Variants in HNRNPR observed in about 807,000 individuals in gnomAD.
The protein encoded by HNRNPR is heterogeneous nuclear ribonucleoprotein R.
HNRNPR carries 4 observed loss-of-function variants against 70.3 expected under a neutral mutation model. The ratio of observed to expected loss-of-function variants is 0.06; its 90% CI spans 0.03 to 0.13. The LOEUF (loss-of-function observed/expected upper bound fraction) is 0.13. HNRNPR is among the 10% of genes least tolerant of loss of function. The pLI, the probability that HNRNPR is intolerant of heterozygous loss-of-function variation, is 1.00. For synonymous variants in HNRNPR, 241 were observed against 267.6 expected (o/e 0.90, Z 0.97); for missense variants, 423 against 788.5 (o/e 0.54, Z 5.55).
intron 8 of HNRNPR, among the ~76,000 whole-genome samples, chr1:23,314,853 A>G (rs781232781): frequency 6.6e-5 from 10 of 152,216 alleles, no homozygotes; most frequent in Non-Finnish European, 1.3e-4. Context: ...TCCTACAGAT[A>G]TATCTCCACT....
intron 8 of HNRNPR, among the ~76,000 whole-genome samples, chr1:23,316,791 T>TA (rs1301852019): frequency 6.6e-6 from 1 of 152,028 alleles, no homozygotes; most frequent in Non-Finnish European, 1.5e-5. Flanking sequence ...ATCAAGCTAG[T>TA]AAAAAATCAA....
At chr1:23,324,956 T>C (rs929513564) in intron 5 of HNRNPR, among the ~76,000 whole-genome samples, 17 of 151,790 alleles carry the variant, frequency 1.1e-4, no homozygotes, top group Admixed American at 1.1e-3. Context: ...CTGGCTAACA[T>C]GGTGAAACCC....
intron 2 of HNRNPR, among the ~76,000 whole-genome samples, chr1:23,340,448 T>C (rs938981918): frequency 6.6e-6 from 1 of 152,182 alleles, no homozygotes; most frequent in Non-Finnish European, 1.5e-5. Context: ...GATACAGCTA[T>C]CCTCTTGTTA....
chr1:23,319,236 ATACT>A (rs1259061843), intron 7 of HNRNPR, among the ~76,000 whole-genome samples: 3 of 152,172 alleles, frequency 2.0e-5, no homozygotes, highest in East Asian at 1.9e-4. Context: ...ACCCTTATAA[ATACT>A]TAGATTTTTT....
chr1:23,323,760 C>T (rs768964523), intron 5 of HNRNPR, 28 bp from the exon 6 acceptor site: 1 of 1,588,494 alleles, frequency 6.3e-7, no homozygotes, highest in Non-Finnish European at 8.6e-7. Context: ...TATTAGAATC[C>T]AACATAAGCA....
chr1:23,330,359 A>G (rs569321431), intron 5 of HNRNPR, among the ~76,000 whole-genome samples: 1 of 152,086 alleles, frequency 6.6e-6, no homozygotes, highest in Non-Finnish European at 1.5e-5. Context: ...ACATGGTGAA[A>G]CCCCGTCTCT....
Position 23,305,165 on chromosome 1 carries a change from C to A in HNRNPR, c.*5289G>T, listed in dbSNP as rs1346614528. The A allele has an allele frequency of 6.6e-6, 1 of 152,136 alleles. No individual in the cohort carries two copies. Among genetic ancestry groups the A allele is most frequent in the Non-Finnish European group, 1.5e-5 (1 of 68,008 alleles). The allele number at this position is 152,136 out of a possible 1,614,324, so 9.4% of individuals were successfully genotyped here. A position where few individuals can be genotyped will look rare whatever the true frequency, so the allele number is the denominator to read the frequency against. On this transcript the variant is annotated 3_prime_UTR_variant, in exon 11 of 11. Coordinates refer to ENST00000302271, the MANE Select transcript of HNRNPR (RefSeq NM_005826.5). ...TTTTGTTTTTAGTGTTTAAAGTCAA[C>A]AAACTGGCATTGCATTTTCCTTAAC... is the stretch of plus-strand genomic sequence containing the variant.
chr1:23,315,290 A>AC (rs1353176494), intron 8 of HNRNPR, among the ~76,000 whole-genome samples: 3 of 150,578 alleles, frequency 2.0e-5, no homozygotes, highest in East Asian at 1.9e-4. Flanking sequence ...AAAAAAAAAA[A>AC]AAAAAAAAAA....
Position 23,318,363 on chromosome 1 carries a change from A to C in HNRNPR, c.1017+120T>G. 1 of 821,900 alleles carries C rather than the reference A, an allele frequency of 1.2e-6. No homozygotes were observed. Among genetic ancestry groups the C allele is most frequent in the East Asian group, 2.6e-5 (1 of 38,344 alleles). The allele number at this position is 821,900 out of a possible 1,614,324, so 50.9% of individuals were successfully genotyped here. A position where few individuals can be genotyped will look rare whatever the true frequency, so the allele number is the denominator to read the frequency against. On this transcript the variant is annotated intron_variant, in intron 8 of 10. Transcript: ENST00000302271. This position sits in a 1 kb window ranked among gnomAD's most constrained non-coding sequence, Gnocchi z 4.2. ...TTTAGTGTTAAAGCCGCTCCTTGCC[A>C]AACAGTTGAAGTCTAAAGCTACAAT...
At chr1:23,342,065 TAAATAA>T (rs1249159524) in intron 1 of HNRNPR, among the ~76,000 whole-genome samples, 3 of 152,172 alleles carry the variant, frequency 2.0e-5, no homozygotes, top group Non-Finnish European at 4.4e-5. Flanking sequence ...CAACACATAC[TAAATAA>T]AAGACATAAA....
Position 23,310,887 on chromosome 1 carries a change from T to A in HNRNPR, c.1469A>T (p.Tyr490Phe), listed in dbSNP as rs775392719. The change falls in exon 11 of 11, where the codon TAC becomes TTC. Residue 490 changes from tyrosine (Y) to phenylalanine (F), a missense_variant. Around this residue, in one of 7 missense-constraint regions of HNRNPR, gnomAD observed 169 missense variants for 195.6 expected, o/e 0.86. Transcript: ENST00000302271. The surrounding 1 kb of genome is among the most constrained non-coding windows in gnomAD (Gnocchi z 6.0). ...TGCATAGCCATCATCATAGCCGTAG[T>A]AGGGATCTTCATAGCCTCCACGATA... ...HDYRGGYEDPYYGYDDGYAVR... is the reference protein window; with the variant it reads ...HDYRGGYEDPFYGYDDGYAVR... The A allele has an allele frequency of 6.2e-7, 1 of 1,614,110 alleles. No homozygotes were observed. Among genetic ancestry groups the A allele is most frequent in the South Asian group, 1.1e-5 (1 of 91,082 alleles).
chr1:23,325,001 G>A (rs998045602), intron 5 of HNRNPR, among the ~76,000 whole-genome samples: 5 of 151,630 alleles, frequency 3.3e-5, no homozygotes, highest in African/African-American at 9.7e-5. Context: ...TTAGCCGGGC[G>A]TGGTGGCCGG....
chr1:23,336,540 C>G lies in HNRNPR; in HGVS notation c.384+1214G>C, dbSNP rs1412197241. On this transcript the variant is annotated intron_variant, in intron 4 of 10. Transcript: ENST00000302271. ...TGAGCTGAGATCGCGCCACTGCACT[C>G]CAGCCTGGGCGACAGAGGGAGACTC... 2.9e-5 allele frequency among the ~76,000 whole-genome samples: 4 copies of G among 137,948 alleles called. No homozygotes were observed. In the South Asian group the frequency reaches 9.4e-4, roughly 32 times the overall value. The allele number at this position is 137,948 out of a possible 152,430, so 90.5% of individuals were successfully genotyped here. A position where few individuals can be genotyped will look rare whatever the true frequency, so the allele number is the denominator to read the frequency against.
intron 5 of HNRNPR, among the ~76,000 whole-genome samples, chr1:23,332,893 A>AC (rs981180159): frequency 3.1e-5 from 4 of 130,316 alleles, no homozygotes; most frequent in African/African-American, 1.5e-4. Context: ...AGCAAAAACC[A>AC]AAAAAAGCAG....
intron 7 of HNRNPR, 104 bp downstream of exon 7, chr1:23,321,424 C>A: frequency 2.1e-6 from 2 of 954,106 alleles, no homozygotes; most frequent in East Asian, 2.6e-5. Context: ...TACTTCAGAC[C>A]TGAATTCTTA....
In HNRNPR at chr1:23,319,885, C is replaced by T. The variant is rs543244220; in HGVS notation, c.812-1197G>A. The stretch of plus-strand genomic sequence containing the variant: ...ACTTCCTTTTGCTCTTTGTATGCTA[C>T]AACCTCTTCATCCTTCAGGTGCTGG... On this transcript the variant is annotated intron_variant, in intron 7 of 10. Transcript: ENST00000302271. Among the ~76,000 whole-genome samples the T allele has an allele frequency of 2.6e-5, 4 of 152,326 alleles. No individual in the cohort carries two copies. The South Asian group carries it at 8.3e-4, about 32-fold the overall frequency.
In HNRNPR at chr1:23,334,941, G is replaced by A. The variant is rs138274714; in HGVS notation, c.385-1310C>T. ...TTTTTTGGTTTTTTTTTTTTGAGACGGAGTCTCGCTCTGTCGCTCAGGCTG... is the reference window on the plus strand; with the variant it reads ...TTTTTTGGTTTTTTTTTTTTGAGACAGAGTCTCGCTCTGTCGCTCAGGCTG... On this transcript the variant is annotated intron_variant, in intron 4 of 10. Coordinates refer to ENST00000302271, the MANE Select transcript of HNRNPR (RefSeq NM_005826.5). 2.4e-4 allele frequency among the ~76,000 whole-genome samples: 37 copies of A among 151,442 alleles called. No individual in the cohort carries two copies. The East Asian group carries it at 4.8e-3, about 20-fold the overall frequency.
At chr1:23,328,634 G>C (rs1392336372) in intron 5 of HNRNPR, among the ~76,000 whole-genome samples, 1 of 152,132 alleles carries the variant, frequency 6.6e-6, no homozygotes, top group Admixed American at 6.6e-5. Flanking sequence ...TGAGTAGCTG[G>C]GACTACAGGC....
At chr1:23,321,387 T>C (rs1452711638) in intron 7 of HNRNPR, 141 bp downstream of exon 7, 1 of 637,456 alleles carries the variant, frequency 1.6e-6, no homozygotes, top group Non-Finnish European at 2.6e-6. Context: ...CCCAAACCAC[T>C]ATAAAGCAGA....
Sources: gnomAD v4.1 joint callset for allele counts (sites outside exome capture counted in the v4.1 genomes callset) on GRCh38, gnomAD v4.1.1 for gene constraint, gnomAD v4.1.1 regional missense constraint, Gnocchi (gnomAD v3.1) non-coding constraint, MANE v1.5 for transcripts, NCBI Gene and HGNC (gene_info 2026-07-23, HGNC 2026-07-21) for gene names.